CNTN6: variants seen among roughly 807,000 people sequenced by gnomAD.
CNTN6 encodes the protein contactin-6.
Under a neutral mutation model 122.8 loss-of-function variants are expected in CNTN6, and 137 were observed. That is an observed-to-expected ratio of 1.12 (90% CI 0.97 to 1.29). The LOEUF (loss-of-function observed/expected upper bound fraction) is 1.29. CNTN6 is among the 50% of genes most tolerant of loss of function. CNTN6 has a pLI of 0.00. For missense variants in CNTN6, 1,634 were observed against 1,223.4 expected, an observed-to-expected ratio of 1.34 and a Z score of -5.01; for synonymous variants, 570 against 426.0, an observed-to-expected ratio of 1.34 and a Z score of -4.16.
In CNTN6 at chr3:1,185,850, G is replaced by A. The variant is rs562016794; in HGVS notation, c.56-34837G>A. Among the ~76,000 whole-genome samples, 8 of 152,184 alleles carry A rather than the reference G, an allele frequency of 5.3e-5. No homozygotes were observed. In the South Asian group the frequency reaches 6.2e-4, roughly 12 times the overall value. On this transcript the variant is annotated intron_variant, in intron 2 of 22. Coordinates refer to ENST00000446702, the MANE Select transcript of CNTN6 (RefSeq NM_001289080.2). ...ATTATATAAATGAAAAACACAGTGCGTTGATCACATTAAACACTATGTAAT... is the reference window on the plus strand; with the variant it reads ...ATTATATAAATGAAAAACACAGTGCATTGATCACATTAAACACTATGTAAT...
intron 11 of CNTN6, among the ~76,000 whole-genome samples, chr3:1,339,791 C>A (rs960016997): frequency 6.6e-6 from 1 of 152,146 alleles, no homozygotes; most frequent in Non-Finnish European, 1.5e-5. Flanking sequence ...GTACTCAAAT[C>A]ATTTTGCAAG....
At chr3:1,103,093 C>G (rs370409753) in intron 1 of CNTN6, among the ~76,000 whole-genome samples, 165 of 151,750 alleles carry the variant, frequency 1.1e-3, no homozygotes, top group African/African-American at 1.5e-3. Flanking sequence ...GCGACAGAGC[C>G]AGACTCCGTC....
intron 4 of CNTN6, among the ~76,000 whole-genome samples, chr3:1,233,850 C>T (rs1468300131): frequency 6.6e-6 from 1 of 150,554 alleles, no homozygotes; most frequent in Non-Finnish European, 1.5e-5. Flanking sequence ...AGCACACATA[C>T]TTAGGGGGCA....
chr3:1,355,655 A>T (rs866197079), intron 12 of CNTN6, among the ~76,000 whole-genome samples: 17 of 151,868 alleles, frequency 1.1e-4, no homozygotes, highest in Non-Finnish European at 1.9e-4. Context: ...AATCAAATAT[A>T]ATTTTGTTTC....
intron 11 of CNTN6, among the ~76,000 whole-genome samples, chr3:1,348,867 A>G (rs1327592506): frequency 6.6e-6 from 1 of 151,972 alleles, no homozygotes; most frequent in Non-Finnish European, 1.5e-5. Context: ...CGATGAGTTG[A>G]CATTTATTAC....
At chr3:1,209,440 G>A (rs183338590) in intron 2 of CNTN6, among the ~76,000 whole-genome samples, 18 of 152,288 alleles carry the variant, frequency 1.2e-4, no homozygotes, top group African/African-American at 4.1e-4. Context: ...CCTAGAGTAA[G>A]AGGCCACTGA....
At chr3:1,370,392 A>C (rs1410491838) in intron 12 of CNTN6, among the ~76,000 whole-genome samples, 1 of 152,024 alleles carries the variant, frequency 6.6e-6, no homozygotes, top group Non-Finnish European at 1.5e-5. Flanking sequence ...AGATATACCT[A>C]ATGCTAAATG....
chr3:1,366,777 G>C (rs1039321416), intron 12 of CNTN6, among the ~76,000 whole-genome samples: 3 of 152,174 alleles, frequency 2.0e-5, no homozygotes, highest in Non-Finnish European at 4.4e-5. Context: ...AGGTCTGCCT[G>C]TGGTGGGTGG....
intron 2 of CNTN6, among the ~76,000 whole-genome samples, chr3:1,214,368 G>T (rs1341090435): frequency 7.9e-6 from 1 of 127,026 alleles, no homozygotes; most frequent in African/African-American, 3.0e-5. Context: ...GAGTGCAATG[G>T]CGTAATCTCA....
intron 5 of CNTN6, among the ~76,000 whole-genome samples, chr3:1,288,433 T>A (rs1694722657): frequency 6.6e-6 from 1 of 152,224 alleles, no homozygotes; most frequent in Middle Eastern, 3.2e-3. Flanking sequence ...ATTAGGTTTT[T>A]GCCACTGAGC....
At chr3:1,362,941 A>C (rs746501554) in intron 12 of CNTN6, among the ~76,000 whole-genome samples, 5 of 151,866 alleles carry the variant, frequency 3.3e-5, no homozygotes, top group Admixed American at 1.3e-4. Flanking sequence ...TGATATAACA[A>C]AGAAAAAAGG....
chr3:1,386,859 G>C (rs1693054555), intron 20 of CNTN6, among the ~76,000 whole-genome samples: 1 of 152,068 alleles, frequency 6.6e-6, no homozygotes, highest in Non-Finnish European at 1.5e-5. Flanking sequence ...AGATGGTTAA[G>C]AAGAGTTTGA....
At chr3:1,246,212 C>T (rs6783673) in intron 4 of CNTN6, among the ~76,000 whole-genome samples, 3,087 of 152,174 alleles carry the variant, frequency 0.02, 98 homozygotes, top group African/African-American at 0.071. Context: ...TGACATCCTC[C>T]TTCTGCCTCA....
chr3:1,160,981 ATTAC>A (rs141294714), intron 2 of CNTN6, among the ~76,000 whole-genome samples: 74 of 152,082 alleles, frequency 4.9e-4, no homozygotes, highest in African/African-American at 1.5e-3. Flanking sequence ...ATATTTTCCT[ATTAC>A]TTATGGTCTT....
intron 11 of CNTN6, among the ~76,000 whole-genome samples, chr3:1,337,269 A>G (rs1223659142): frequency 6.6e-6 from 1 of 152,112 alleles, no homozygotes; most frequent in African/African-American, 2.4e-5. Flanking sequence ...GCACCAGCTA[A>G]TGGGAGTCTG....
intron 1 of CNTN6, among the ~76,000 whole-genome samples, chr3:1,117,755 G>T (rs1574909247): frequency 6.6e-6 from 1 of 152,142 alleles, no homozygotes. Flanking sequence ...AGCAACAAGT[G>T]ATTTAATGTT....
intron 3 of CNTN6, 63 bp from the exon 4 acceptor site, chr3:1,227,752 GTTT>G: frequency 6.6e-7 from 1 of 1,521,326 alleles, no homozygotes; most frequent in Non-Finnish European, 9.0e-7. Flanking sequence ...AGAACTACAT[GTTT>G]TTTAAGACAA....
intron 2 of CNTN6, among the ~76,000 whole-genome samples, chr3:1,219,654 G>A (rs754530609): frequency 3.3e-5 from 5 of 152,116 alleles, no homozygotes; most frequent in South Asian, 4.1e-4. Flanking sequence ...TGTGATCTAA[G>A]GTGTTAAAGT....
chr3:1,261,142 C>T (rs899171810), intron 4 of CNTN6, among the ~76,000 whole-genome samples: 3 of 152,096 alleles, frequency 2.0e-5, no homozygotes, highest in East Asian at 1.9e-4. Context: ...TAGAGCAGTA[C>T]GGGGCACATT....
Sources: gnomAD v4.1 joint callset for allele counts (sites outside exome capture counted in the v4.1 genomes callset) on GRCh38, gnomAD v4.1.1 for gene constraint, MANE v1.5 for transcripts, NCBI Gene and HGNC (gene_info 2026-07-23, HGNC 2026-07-21) for gene names.